The following WWOX variants were observed in gnomAD, a reference collection of about 807,000 sequenced individuals.
The protein encoded by WWOX is WW domain containing oxidoreductase.
Under a neutral mutation model 46.2 loss-of-function variants are expected in WWOX, and 69 were observed. That is an observed-to-expected ratio of 1.49 (90% CI 1.23 to 1.82). The LOEUF (loss-of-function observed/expected upper bound fraction) is 1.82. WWOX is among the 40% of genes most tolerant of loss of function. The probability of loss-of-function intolerance (pLI) is 0.00; values close to 1 mark genes in which losing one functional copy is unlikely to be tolerated. For missense variants in WWOX, 919 were observed against 542.6 expected, an observed-to-expected ratio of 1.69 and a Z score of -6.89; for synonymous variants, 359 against 202.6, an observed-to-expected ratio of 1.77 and a Z score of -6.56.
At chr16:78,414,925 A>T (rs1276174669) in intron 6 of WWOX, among the ~76,000 whole-genome samples, 1 of 152,146 alleles carries the variant, frequency 6.6e-6, no homozygotes, top group Non-Finnish European at 1.5e-5. Flanking sequence ...TTGGGCAAGA[A>T]AGAATTTGGG....
intron 8 of WWOX, among the ~76,000 whole-genome samples, chr16:78,957,199 G>A (rs1000850247): frequency 6.6e-6 from 1 of 152,138 alleles, no homozygotes; most frequent in South Asian, 2.1e-4. Context: ...CTGAAATGCA[G>A]GGCACACGAC....
At chr16:79,056,998 G>A (rs758286120) in intron 8 of WWOX, among the ~76,000 whole-genome samples, 9 of 152,106 alleles carry the variant, frequency 5.9e-5, no homozygotes, top group African/African-American at 1.7e-4. Flanking sequence ...TGGCATTATC[G>A]TTCACTTTTA....
At chr16:79,138,111 C>A (rs1279681942) in intron 8 of WWOX, among the ~76,000 whole-genome samples, 2 of 152,110 alleles carry the variant, frequency 1.3e-5, no homozygotes, top group Non-Finnish European at 2.9e-5. Context: ...CAGCAGGGGC[C>A]ACAGCCAGAA....
intron 8 of WWOX, among the ~76,000 whole-genome samples, chr16:78,776,073 C>A (rs765151300): frequency 5.3e-5 from 8 of 152,162 alleles, no homozygotes; most frequent in Non-Finnish European, 8.8e-5. Flanking sequence ...ATGGCTAGTT[C>A]AGAAAACCTT....
rs71137871 is a variant in WWOX at position 78,101,346 on chromosome 16, C to CTTTTTTTTTTTTTTTTTTTT, written c.107+1478_107+1479insTTTTTTTTTTTTTTTTTTTT. On this transcript the variant is annotated intron_variant, in intron 1 of 8. Transcript: ENST00000566780. The stretch of plus-strand genomic sequence containing the variant: ...ACAGGCGTGAGCTACCGCTCCCGGC[C>CTTTTTTTTTTTTTTTTTTTT]TTTTTTTTTTTTTTTTTAAAGACAG... Among the ~76,000 whole-genome samples, 349 of 66,820 alleles carry CTTTTTTTTTTTTTTTTTTTT rather than the reference C, an allele frequency of 5.2e-3. 86 individuals are homozygous for CTTTTTTTTTTTTTTTTTTTT. The highest frequency in any genetic ancestry group is 0.014 in the Middle Eastern group (1 of 70). The allele number at this position is 66,820 out of a possible 152,430, so 43.8% of individuals were successfully genotyped here.
chr16:78,813,592 T>C (rs1567578022), intron 8 of WWOX, among the ~76,000 whole-genome samples: 1 of 152,154 alleles, frequency 6.6e-6, no homozygotes. Context: ...TGTGTGTGCA[T>C]GTGTGAGCTC....
intron 8 of WWOX, among the ~76,000 whole-genome samples, chr16:79,148,492 A>G (rs1350287074): frequency 6.6e-6 from 1 of 152,170 alleles, no homozygotes; most frequent in Non-Finnish European, 1.5e-5. Context: ...CATGTCAGGT[A>G]GAGTGATTCT....
intron 8 of WWOX, among the ~76,000 whole-genome samples, chr16:78,994,854 G>C (rs1490084075): frequency 6.6e-6 from 1 of 151,592 alleles, no homozygotes; most frequent in Non-Finnish European, 1.5e-5. Context: ...TTCAGGAGCT[G>C]TGAAGCCATT....
At chr16:78,451,178 T>A (rs1052653774) in intron 8 of WWOX, among the ~76,000 whole-genome samples, 15 of 152,186 alleles carry the variant, frequency 9.9e-5, no homozygotes, top group African/African-American at 2.7e-4. Context: ...CCATTTTTTT[T>A]AAAATTAGAA....
intron 8 of WWOX, among the ~76,000 whole-genome samples, chr16:79,070,784 A>C (rs1052987220): frequency 1.3e-5 from 2 of 152,204 alleles, no homozygotes; most frequent in Non-Finnish European, 1.5e-5. Flanking sequence ...TGTTTCTTCA[A>C]AGAACACAGA....
intron 5 of WWOX, among the ~76,000 whole-genome samples, chr16:78,322,871 A>G (rs1239500870): frequency 6.6e-6 from 1 of 152,178 alleles, no homozygotes; most frequent in African/African-American, 2.4e-5. Flanking sequence ...GGACATGGAA[A>G]CTTGAACTTT....
At chr16:79,060,946 A>G (rs1386152021) in intron 8 of WWOX, among the ~76,000 whole-genome samples, 1 of 152,218 alleles carries the variant, frequency 6.6e-6, no homozygotes, top group African/African-American at 2.4e-5. Context: ...TTGTTATTTC[A>G]CTGATGGAAA....
chr16:78,915,465 C>T (rs190716524), intron 8 of WWOX, among the ~76,000 whole-genome samples: 1 of 152,286 alleles, frequency 6.6e-6, no homozygotes. Flanking sequence ...TTAGTAATGA[C>T]TGTCCCTCTA....
chr16:78,322,191 A>G (rs2080499140), intron 5 of WWOX, among the ~76,000 whole-genome samples: 1 of 152,158 alleles, frequency 6.6e-6, no homozygotes, highest in African/African-American at 2.4e-5. Flanking sequence ...ACAATTCGAA[A>G]GAGCAAATGA....
At chr16:78,243,021 C>CA (rs1259339241) in intron 5 of WWOX, among the ~76,000 whole-genome samples, 2 of 151,920 alleles carry the variant, frequency 1.3e-5, no homozygotes, top group Non-Finnish European at 2.9e-5. Flanking sequence ...AAACCAAAAA[C>CA]AAAAAAAGAG....
rs143950396 is a variant in WWOX at position 78,698,623 on chromosome 16, G to A, written c.1056+265871G>A. On this transcript the variant is annotated intron_variant, in intron 8 of 8. Coordinates refer to ENST00000566780, the MANE Select transcript of WWOX (RefSeq NM_016373.4). Reference sequence around the variant, plus strand: ...ATTAATATCTTGCTTTCTTATTTAGGAACTTTTCCTGACAAACTTCCCAAG... The same window carrying A: ...ATTAATATCTTGCTTTCTTATTTAGAAACTTTTCCTGACAAACTTCCCAAG... 2.9e-3 allele frequency among the ~76,000 whole-genome samples: 446 copies of A among 152,080 alleles called. 2 individuals are homozygous for A. Among genetic ancestry groups the A allele is most frequent in the African/African-American group, 0.01 (427 of 41,464 alleles).
chr16:78,536,856 AG>A (rs1365393173), intron 8 of WWOX, among the ~76,000 whole-genome samples: 1 of 150,610 alleles, frequency 6.6e-6, no homozygotes, highest in Non-Finnish European at 1.5e-5. Context: ...GGACAATGAA[AG>A]TCGTTTATTG....
At chr16:78,352,457 C>G (rs1222958253) in intron 5 of WWOX, among the ~76,000 whole-genome samples, 1 of 152,186 alleles carries the variant, frequency 6.6e-6, no homozygotes, top group Non-Finnish European at 1.5e-5. Context: ...CCAGGGACTG[C>G]CCAAATCCTT....
chr16:79,058,545 G>A (rs1429420133), intron 8 of WWOX, among the ~76,000 whole-genome samples: 1 of 152,140 alleles, frequency 6.6e-6, no homozygotes, highest in Non-Finnish European at 1.5e-5. Flanking sequence ...TATTAGTCAT[G>A]ATATAGGGAA....
Sources: gnomAD v4.1 joint callset for allele counts (sites outside exome capture counted in the v4.1 genomes callset) on GRCh38, gnomAD v4.1.1 for gene constraint, MANE v1.5 for transcripts, NCBI Gene and HGNC (gene_info 2026-07-23, HGNC 2026-07-21) for gene names.